Variants in ANGPT1 observed in about 807,000 individuals in gnomAD.
The protein encoded by ANGPT1 is angiopoietin 1.
In ANGPT1, 17 loss-of-function variants were observed where a neutral mutation model predicts 62.2. The ratio of observed to expected loss-of-function variants is 0.27; its 90% confidence interval spans 0.19 to 0.41. The LOEUF is 0.41. ANGPT1 is among the 10% of genes least tolerant of loss of function. The pLI is 1.00. For missense variants in ANGPT1, 478 were observed against 594.9 expected, an observed-to-expected ratio of 0.80 and a Z score of 2.04; for synonymous variants, 199 against 198.9, an observed-to-expected ratio of 1.00 and a Z score of 0.00.
At chr8:107,459,794 G>A (rs1812019591) in intron 1 of ANGPT1, among the ~76,000 whole-genome samples, 1 of 152,226 alleles carries the variant, frequency 6.6e-6, no homozygotes, top group Middle Eastern at 3.4e-3. Context: ...TGAAGTAGAG[G>A]GAAAGTGGTA....
At chr8:107,373,688 T>C (rs1482284207) in intron 1 of ANGPT1, among the ~76,000 whole-genome samples, 1 of 152,224 alleles carries the variant, frequency 6.6e-6, no homozygotes, top group Non-Finnish European at 1.5e-5. Context: ...CTTTAATGCC[T>C]TAGCAAGTCT....
At chr8:107,476,704 A>G (rs550291866) in intron 1 of ANGPT1, among the ~76,000 whole-genome samples, 1 of 152,174 alleles carries the variant, frequency 6.6e-6, no homozygotes, top group Non-Finnish European at 1.5e-5. Context: ...AATTCCTTGT[A>G]AAGTCATCTG....
intron 1 of ANGPT1, among the ~76,000 whole-genome samples, chr8:107,426,141 C>T (rs1409598215): frequency 6.6e-6 from 1 of 152,144 alleles, no homozygotes; most frequent in Non-Finnish European, 1.5e-5. Context: ...ACTGGCTTCC[C>T]CTCCCACAGA....
At chr8:107,296,030 T>C (rs1814406295) in intron 5 of ANGPT1, among the ~76,000 whole-genome samples, 1 of 152,136 alleles carries the variant, frequency 6.6e-6, no homozygotes, top group Non-Finnish European at 1.5e-5. Context: ...GGATCTGGGA[T>C]TTAAAATTGA....
intron 1 of ANGPT1, among the ~76,000 whole-genome samples, chr8:107,461,815 T>G (rs1403485319): frequency 1.3e-5 from 2 of 152,126 alleles, no homozygotes; most frequent in Non-Finnish European, 2.9e-5. Flanking sequence ...ATTGATGGTA[T>G]GGGGCGATCT....
intron 1 of ANGPT1, among the ~76,000 whole-genome samples, chr8:107,477,868 T>C (rs147000601): frequency 1.7e-3 from 252 of 152,202 alleles, no homozygotes; most frequent in South Asian, 2.9e-3. Flanking sequence ...ATTCACCGTT[T>C]TGGGTGCTTT....
chr8:107,433,256 C>T (rs1254162517), intron 1 of ANGPT1, among the ~76,000 whole-genome samples: 1 of 152,006 alleles, frequency 6.6e-6, no homozygotes, highest in Non-Finnish European at 1.5e-5. Flanking sequence ...TAACTTCAGA[C>T]CTTTGGTGTC....
chr8:107,273,315 G>A (rs745665287), intron 7 of ANGPT1, among the ~76,000 whole-genome samples: 3 of 151,990 alleles, frequency 2.0e-5, no homozygotes, highest in Non-Finnish European at 2.9e-5. Flanking sequence ...ATTGTCTGAG[G>A]TTTCTTGCAA....
chr8:107,271,144 C>T (rs1403893396), intron 7 of ANGPT1, among the ~76,000 whole-genome samples: 2 of 151,960 alleles, frequency 1.3e-5, no homozygotes, highest in African/African-American at 2.4e-5. Context: ...GTCATGACCA[C>T]TTGTGTCTGG....
intron 1 of ANGPT1, among the ~76,000 whole-genome samples, chr8:107,452,423 G>T (rs1173397480): frequency 1.3e-5 from 2 of 151,634 alleles, no homozygotes; most frequent in Non-Finnish European, 2.9e-5. Context: ...TGGAAGTCAC[G>T]TCTCATTTAG....
intron 3 of ANGPT1, among the ~76,000 whole-genome samples, chr8:107,333,992 G>GGAAGGGAAGGAAGGAAGGAAGGAA (rs1563573969): frequency 1.1e-4 from 3 of 27,174 alleles, no homozygotes; most frequent in African/African-American, 2.3e-4. Context: ...GAGGGAGGGA[G>GGAAGGGAAGGAAGGAAGGAAGGAA]GGAGGGAAGG....
intron 2 of ANGPT1, among the ~76,000 whole-genome samples, chr8:107,337,952 TG>T (rs1384417046): frequency 6.6e-6 from 1 of 151,924 alleles, no homozygotes. Flanking sequence ...AAAAATTAAC[TG>T]GGCATGGTGG....
At chr8:107,302,462 T>A (rs1057292134) in intron 5 of ANGPT1, among the ~76,000 whole-genome samples, 2 of 151,934 alleles carry the variant, frequency 1.3e-5, no homozygotes, top group Non-Finnish European at 2.9e-5. Flanking sequence ...ACCATTTCTA[T>A]CACTATACTT....
chr8:107,354,557 A>G (rs976086235), intron 1 of ANGPT1, among the ~76,000 whole-genome samples: 1 of 152,238 alleles, frequency 6.6e-6, no homozygotes, highest in African/African-American at 2.4e-5. Flanking sequence ...TTAATTTATT[A>G]TAGAAAATTG....
At chr8:107,462,149 A>G (rs1194092040) in intron 1 of ANGPT1, among the ~76,000 whole-genome samples, 1 of 152,086 alleles carries the variant, frequency 6.6e-6, no homozygotes. Flanking sequence ...AGTTCAATTA[A>G]ACCCTATTGT....
chr8:107,384,233 T>C (rs902470905), intron 1 of ANGPT1, among the ~76,000 whole-genome samples: 1 of 152,044 alleles, frequency 6.6e-6, no homozygotes, highest in Non-Finnish European at 1.5e-5. Context: ...AATGCCAAGG[T>C]TGGCATGGTT....
intron 4 of ANGPT1, among the ~76,000 whole-genome samples, chr8:107,305,733 T>A (rs1456112324): frequency 6.6e-6 from 1 of 152,082 alleles, no homozygotes; most frequent in Admixed American, 6.6e-5. Flanking sequence ...TGAAATTTAA[T>A]TTGGTATGTT....
intron 8 of ANGPT1, among the ~76,000 whole-genome samples, chr8:107,257,231 T>C (rs1813380003): frequency 6.6e-6 from 1 of 152,216 alleles, no homozygotes; most frequent in East Asian, 1.9e-4. Flanking sequence ...TGTAACCTCA[T>C]GTATATTTTA....
chr8:107,299,420 T>TATATATATATATATATATATATAA (rs1342219214), intron 5 of ANGPT1, among the ~76,000 whole-genome samples: 5 of 120,412 alleles, frequency 4.2e-5, no homozygotes, highest in Non-Finnish European at 9.0e-5. Context: ...TATATATATA[T>TATATATATATATATATATATATAA]AAACATACAT....
Sources: allele counts gnomAD v4.1 joint callset (sites outside exome capture counted in the v4.1 genomes callset), GRCh38; gene constraint gnomAD v4.1.1; transcripts MANE v1.5; gene names NCBI Gene and HGNC (gene_info 2026-07-23, HGNC 2026-07-21).